OXR1: variants seen among roughly 807,000 people sequenced by gnomAD.
OXR1 encodes oxidation resistance 1, also known as oxidation resistance protein 1.
Under a neutral mutation model 104.6 loss-of-function variants are expected in OXR1, and 41 were observed. The ratio of observed to expected loss-of-function variants is 0.39; its 90% CI spans 0.31 to 0.51. The LOEUF (loss-of-function observed/expected upper bound fraction) is 0.51, where lower values mean the gene tolerates loss of function less well. OXR1 is among the 20% of genes least tolerant of loss of function. OXR1 has a pLI of 0.77. For missense variants in OXR1, 955 were observed against 1,031.9 expected (o/e 0.93, Z 1.02); for synonymous variants, 348 against 348.4 (o/e 1.00, Z 0.01).
chr8:106,455,905 A>G (rs985235258), intron 2 of OXR1, among the ~76,000 whole-genome samples: 1 of 152,216 alleles, frequency 6.6e-6, no homozygotes, highest in Non-Finnish European at 1.5e-5. Context: ...GGACTGTACA[A>G]TTCAATGCTG....
intron 1 of OXR1, among the ~76,000 whole-genome samples, chr8:106,325,804 T>C (rs1026310362): frequency 2.6e-5 from 4 of 152,248 alleles, no homozygotes; most frequent in Admixed American, 6.5e-5. Flanking sequence ...ATAGATTATT[T>C]TGATTTTAAT....
At chr8:106,450,516 A>G (rs1181189942) in intron 2 of OXR1, among the ~76,000 whole-genome samples, 3 of 152,172 alleles carry the variant, frequency 2.0e-5, no homozygotes, top group African/African-American at 2.4e-5. Flanking sequence ...AAGCAGGAAA[A>G]GAGAGGCAGC....
At chr8:106,500,038 G>A (rs1811681628) in intron 2 of OXR1, among the ~76,000 whole-genome samples, 1 of 152,216 alleles carries the variant, frequency 6.6e-6, no homozygotes, top group African/African-American at 2.4e-5. Context: ...CTACTGTCTA[G>A]CTGCTGGCTG....
At chr8:106,586,511 G>C (rs959495443) in intron 3 of OXR1, among the ~76,000 whole-genome samples, 2 of 152,166 alleles carry the variant, frequency 1.3e-5, no homozygotes, top group Non-Finnish European at 2.9e-5. Context: ...TCTAAATTGA[G>C]AAATGGAATA....
chr8:106,313,238 A>G (rs914540868), intron 1 of OXR1, among the ~76,000 whole-genome samples: 2 of 152,156 alleles, frequency 1.3e-5, no homozygotes, highest in African/African-American at 4.8e-5. Context: ...GTTGGTGAAG[A>G]TTTAATATTG....
chr8:106,517,994 G>A (rs1014195061), intron 2 of OXR1, among the ~76,000 whole-genome samples: 4 of 152,116 alleles, frequency 2.6e-5, no homozygotes, highest in Admixed American at 1.3e-4. Flanking sequence ...CAAGGTCCAC[G>A]TCATGGGAAG....
At chr8:106,502,225 C>T (rs893000658) in intron 2 of OXR1, among the ~76,000 whole-genome samples, 1 of 152,156 alleles carries the variant, frequency 6.6e-6, no homozygotes, top group Non-Finnish European at 1.5e-5. Flanking sequence ...AATGCTGTGC[C>T]TTCATTGTCT....
chr8:106,609,480 C>G (rs1820651742), intron 3 of OXR1, among the ~76,000 whole-genome samples: 1 of 152,098 alleles, frequency 6.6e-6, no homozygotes, highest in African/African-American at 2.4e-5. Flanking sequence ...CTCTTTCAAA[C>G]CTATTACTTT....
At chr8:106,408,645 A>C (rs1008548995) in intron 2 of OXR1, among the ~76,000 whole-genome samples, 1 of 152,084 alleles carries the variant, frequency 6.6e-6, no homozygotes, top group Non-Finnish European at 1.5e-5. Context: ...CATACCAACA[A>C]ATTTGTTTTA....
chr8:106,555,630 G>A lies in OXR1; in HGVS notation c.220+36491G>A, dbSNP rs1046057119. Among the ~76,000 whole-genome samples the A allele has an allele frequency of 5.3e-5, 8 of 151,944 alleles. No individual in the cohort carries two copies. The East Asian group carries it at 1.2e-3, about 22-fold the overall frequency. On this transcript the variant is annotated intron_variant, in intron 3 of 16. Transcript: ENST00000517566. Reference sequence around the variant, plus strand: ...ACTAATGATTTTCTAAGCGCTTTCTGTGCTCATTACTAAAGACAGAGTAGT... The same window carrying A: ...ACTAATGATTTTCTAAGCGCTTTCTATGCTCATTACTAAAGACAGAGTAGT...
chr8:106,657,671 C>A (rs939257748), intron 3 of OXR1: 3 of 248,986 alleles, frequency 1.2e-5, no homozygotes, highest in Non-Finnish European at 2.1e-5. Context: ...CATCAGTTTT[C>A]TGACCCCGCA....
intron 3 of OXR1, among the ~76,000 whole-genome samples, chr8:106,640,808 A>G (rs559266024): frequency 6.6e-6 from 1 of 152,298 alleles, no homozygotes; most frequent in African/African-American, 2.4e-5. Context: ...AATAGTTACA[A>G]CTTTGTTTTT....
Position 106,323,348 on chromosome 8 carries a change from T to C in OXR1, c.-138-36128T>C, listed in dbSNP as rs560446258. 2.0e-5 allele frequency among the ~76,000 whole-genome samples: 3 copies of C among 152,008 alleles called. No homozygotes were observed. In the South Asian group the frequency reaches 6.2e-4, roughly 32 times the overall value. On this transcript the variant is annotated intron_variant, in intron 1 of 16. Transcript: ENST00000517566. ...GGCTAGGCATATGCAGAAGATTCTTTACACCATATACAAAAGTCAATTCAA... is the reference window on the plus strand; with the variant it reads ...GGCTAGGCATATGCAGAAGATTCTTCACACCATATACAAAAGTCAATTCAA...
At chr8:106,624,684 G>T (rs72682803) in intron 3 of OXR1, among the ~76,000 whole-genome samples, 2,171 of 152,266 alleles carry the variant, frequency 0.014, 27 homozygotes, top group South Asian at 0.062. Context: ...ATTATTTATT[G>T]TAGAAAATAA....
intron 1 of OXR1, among the ~76,000 whole-genome samples, chr8:106,322,854 A>T (rs1361551164): frequency 1.3e-5 from 2 of 152,148 alleles, no homozygotes; most frequent in Non-Finnish European, 2.9e-5. Context: ...CTACAAGGAG[A>T]ATTACAAAAC....
At chr8:106,650,001 T>G (rs1280273972) in intron 3 of OXR1, among the ~76,000 whole-genome samples, 3 of 152,136 alleles carry the variant, frequency 2.0e-5, no homozygotes, top group Non-Finnish European at 4.4e-5. Flanking sequence ...TGGCCAAAAA[T>G]ATTTTTTAAT....
chr8:106,346,951 G>A (rs1443360069), intron 1 of OXR1, among the ~76,000 whole-genome samples: 1 of 152,210 alleles, frequency 6.6e-6, no homozygotes, highest in African/African-American at 2.4e-5. Context: ...GCTGAGGCAG[G>A]AGAATGGCGT....
chr8:106,742,304 G>C lies in OXR1; in HGVS notation c.2399G>C (p.Cys800Ser). 1 of 1,603,020 alleles carries C rather than the reference G, an allele frequency of 6.2e-7. No homozygotes were observed. Among genetic ancestry groups the C allele is most frequent in the Non-Finnish European group, 8.5e-7 (1 of 1,170,970 alleles). Residue 800 changes from cysteine (C) to serine (S), a missense_variant, in exon 15 of 17, where the codon TGT becomes TCT. Cys to Ser is a moderately radical substitution (Grantham distance 112). This residue lies in a region of OXR1 where 106 missense variants were observed against 179.0 expected (regional missense o/e 0.59). Coordinates refer to ENST00000517566, the MANE Select transcript of OXR1 (RefSeq NM_001198533.2). Reference sequence around the variant, plus strand: ...GGAGAGACCTTTGTTTTTACATTCTGTCCGGAGTTTGAGGTAAGAACCACT... The same window carrying C: ...GGAGAGACCTTTGTTTTTACATTCTCTCCGGAGTTTGAGGTAAGAACCACT... ...GTGETFVFTFCPEFEVFKWTG... is the reference protein window; with the variant it reads ...GTGETFVFTFSPEFEVFKWTG...
intron 2 of OXR1, among the ~76,000 whole-genome samples, chr8:106,460,885 A>G (rs1045967659): frequency 5.9e-5 from 9 of 152,118 alleles, no homozygotes; most frequent in African/African-American, 1.9e-4. Flanking sequence ...ATTGGATGAT[A>G]TATTTCTATA....
Sources: allele counts gnomAD v4.1 joint callset (sites outside exome capture counted in the v4.1 genomes callset), GRCh38; gene constraint gnomAD v4.1.1; regional missense constraint gnomAD v4.1.1; transcripts MANE v1.5; gene names NCBI Gene and HGNC (gene_info 2026-07-23, HGNC 2026-07-21).